Variants in ADAM12 observed in about 807,000 individuals in gnomAD.
ADAM12 encodes the protein disintegrin and metalloproteinase domain-containing protein 12.
ADAM12 carries 70 observed loss-of-function variants against 106.4 expected under a neutral mutation model. The observed-to-expected ratio is 0.66, with a 90% CI of 0.54 to 0.80. The LOEUF (loss-of-function observed/expected upper bound fraction) is 0.80, where lower values mean the gene tolerates loss of function less well. Ranked by LOEUF, ADAM12 falls within the 30% of genes least tolerant of loss-of-function variation. The pLI is 0.00. For missense variants in ADAM12, 1,010 were observed against 1,171.9 expected (o/e 0.86, Z 2.02); for synonymous variants, 420 against 433.5 (o/e 0.97, Z 0.39).
chr10:126,117,764 G>GGGT (rs1251178574), intron 6 of ADAM12, among the ~76,000 whole-genome samples: 9 of 127,562 alleles, frequency 7.1e-5, no homozygotes, highest in Admixed American at 2.4e-4. Context: ...AAGTTGGGGG[G>GGGT]GCGTAATTTT....
rs531554421 is a variant in ADAM12, at chr10:126,174,011, T to G, written c.261-18706A>C. On this transcript the variant is annotated intron_variant, in intron 3 of 22. Transcript: ENST00000448723. ...TATCCAGATTCATCTGTTGTTGATT[T>G]TTTTTTTTTTTTTTTTTTTTTTTTT... Among the ~76,000 whole-genome samples, 69 of 93,308 alleles carry G rather than the reference T, an allele frequency of 7.4e-4. 3 individuals carry two copies. The South Asian group carries it at 0.026, about 35-fold the overall frequency. The allele number at this position is 93,308 out of a possible 152,430, so 61.2% of individuals were successfully genotyped here. A position where few individuals can be genotyped will look rare whatever the true frequency, so the allele number is the denominator to read the frequency against.
chr10:126,017,373 A>C (rs1189103916), intron 22 of ADAM12, 34 bp from the exon 23 acceptor site: 2 of 1,540,874 alleles, frequency 1.3e-6, no homozygotes. Flanking sequence ...AAATGATCAG[A>C]GACCTTGAGA....
intron 5 of ADAM12, among the ~76,000 whole-genome samples, chr10:126,134,663 C>A (rs1051456798): frequency 6.6e-6 from 1 of 152,208 alleles, no homozygotes; most frequent in Non-Finnish European, 1.5e-5. Flanking sequence ...AAAGAATAAA[C>A]TGGTAGGTGT....
intron 3 of ADAM12, among the ~76,000 whole-genome samples, chr10:126,225,609 C>T (rs1488359910): frequency 6.6e-6 from 1 of 152,162 alleles, no homozygotes; most frequent in Admixed American, 6.5e-5. Flanking sequence ...AGCATGTGTT[C>T]AGGCTGCAAA....
intron 21 of ADAM12, among the ~76,000 whole-genome samples, chr10:126,020,712 G>A (rs1236772079): frequency 1.3e-5 from 2 of 152,132 alleles, no homozygotes; most frequent in African/African-American, 2.4e-5. Context: ...GAAAAACGGC[G>A]GGGCGTGGTA....
At chr10:126,132,076 A>T (rs559847207) in intron 5 of ADAM12, among the ~76,000 whole-genome samples, 49 of 151,922 alleles carry the variant, frequency 3.2e-4, no homozygotes, top group African/African-American at 8.4e-4. Context: ...CCCGGGTTCA[A>T]GCAGTTTTCT....
At chr10:126,208,642 A>G (rs530929179) in intron 3 of ADAM12, among the ~76,000 whole-genome samples, 135 of 152,190 alleles carry the variant, frequency 8.9e-4, no homozygotes, top group African/African-American at 3.1e-3. Context: ...ATTGGGGGAT[A>G]AAATCTACAC....
At chr10:126,071,319 C>T (rs536854629) in intron 12 of ADAM12, among the ~76,000 whole-genome samples, 158 bp downstream of exon 12, 1 of 152,226 alleles carries the variant, frequency 6.6e-6, no homozygotes, top group South Asian at 2.1e-4. Flanking sequence ...AAGAAAGCCA[C>T]CCTAGCTCAC....
chr10:126,182,234 C>T (rs960777044), intron 3 of ADAM12, among the ~76,000 whole-genome samples: 1 of 152,086 alleles, frequency 6.6e-6, no homozygotes, highest in Non-Finnish European at 1.5e-5. Context: ...GTATGTGGTA[C>T]AATCAGAAGT....
chr10:126,339,357 C>G (rs188637156), intron 1 of ADAM12, among the ~76,000 whole-genome samples: 1 of 152,178 alleles, frequency 6.6e-6, no homozygotes, highest in Non-Finnish European at 1.5e-5. Context: ...AAAACCAACA[C>G]GTTTTCAATC....
chr10:126,033,469 A>G (rs1954004868), intron 21 of ADAM12, among the ~76,000 whole-genome samples: 1 of 152,200 alleles, frequency 6.6e-6, no homozygotes, highest in South Asian at 2.1e-4. Context: ...GGAACTACCC[A>G]GTGGTGTGTT....
intron 14 of ADAM12, among the ~76,000 whole-genome samples, chr10:126,061,059 C>A (rs1207557718): frequency 6.6e-6 from 1 of 152,212 alleles, no homozygotes; most frequent in East Asian, 1.9e-4. Flanking sequence ...CCATCCTCTT[C>A]CACCCCTGGC....
intron 11 of ADAM12, among the ~76,000 whole-genome samples, chr10:126,077,002 T>G (rs1169033917): frequency 6.6e-6 from 1 of 152,158 alleles, no homozygotes; most frequent in Non-Finnish European, 1.5e-5. Context: ...ACATAGAAAA[T>G]GCTAAAAATT....
chr10:126,193,828 C>T (rs765885744), intron 3 of ADAM12, among the ~76,000 whole-genome samples: 26 of 151,910 alleles, frequency 1.7e-4, no homozygotes, highest in Non-Finnish European at 3.4e-4. Context: ...ATTCGGGAGG[C>T]AGAAGTTGTA....
At chr10:126,208,160 C>G (rs970529418) in intron 3 of ADAM12, among the ~76,000 whole-genome samples, 1 of 152,070 alleles carries the variant, frequency 6.6e-6, no homozygotes, top group African/African-American at 2.4e-5. Context: ...TTAAAGAAGC[C>G]ACCATAAAAG....
At chr10:126,274,466 A>G (rs1320136414) in intron 3 of ADAM12, among the ~76,000 whole-genome samples, 1 of 152,158 alleles carries the variant, frequency 6.6e-6, no homozygotes, top group Non-Finnish European at 1.5e-5. Flanking sequence ...TGAACTTGCA[A>G]CATTTATTTT....
intron 3 of ADAM12, among the ~76,000 whole-genome samples, chr10:126,224,223 C>T (rs114807377): frequency 3.2e-3 from 481 of 152,252 alleles, no homozygotes; most frequent in African/African-American, 0.01. Flanking sequence ...TCCCTGTCTC[C>T]GGGGTTAGAG....
At chr10:126,372,380 T>C (rs891973484) in intron 1 of ADAM12, among the ~76,000 whole-genome samples, 1 of 151,998 alleles carries the variant, frequency 6.6e-6, no homozygotes, top group Admixed American at 6.6e-5. Context: ...CCCAGGGAGG[T>C]AGGCTGCATC....
intron 11 of ADAM12, among the ~76,000 whole-genome samples, chr10:126,087,426 T>G: frequency 6.6e-6 from 1 of 152,190 alleles, no homozygotes; most frequent in Non-Finnish European, 1.5e-5. Flanking sequence ...TTAAATTGAT[T>G]CTAACTAGTA....
Sources: allele counts gnomAD v4.1 joint callset (sites outside exome capture counted in the v4.1 genomes callset), GRCh38; gene constraint gnomAD v4.1.1; transcripts MANE v1.5; gene names NCBI Gene and HGNC (gene_info 2026-07-23, HGNC 2026-07-21).